The following OMA1 variants were observed in gnomAD, a reference collection of about 807,000 sequenced individuals.
OMA1 encodes the protein OMA1 zinc metallopeptidase, also known as metalloendopeptidase OMA1, mitochondrial.
Under a neutral mutation model 30.9 loss-of-function variants are expected in OMA1, and 38 were observed. That is an observed-to-expected ratio of 1.23 (90% CI 0.95 to 1.61). The LOEUF is 1.61. Among genes scored for constraint, OMA1 ranks in the 40% most tolerant of loss-of-function variants. OMA1 has a pLI of 0.00. For missense variants in OMA1, 461 were observed against 349.2 expected (o/e 1.32, Z -2.55); for synonymous variants, 173 against 121.9 (o/e 1.42, Z -2.76).
At chr1:58,502,938 C>A (rs1191437077) in intron 8 of OMA1, among the ~76,000 whole-genome samples, 9 of 152,170 alleles carry the variant, frequency 5.9e-5, no homozygotes, top group African/African-American at 2.2e-4. Context: ...AAATGTCTCA[C>A]GTCTTTGTCT....
intron 8 of OMA1, among the ~76,000 whole-genome samples, chr1:58,493,107 T>A (rs202043910): frequency 1.3e-5 from 2 of 151,966 alleles, no homozygotes; most frequent in South Asian, 2.1e-4. Context: ...CAAGGCTGGT[T>A]CAACATACGC....
At chr1:58,492,400 GA>G (rs1645712787) in intron 8 of OMA1, among the ~76,000 whole-genome samples, 1 of 151,802 alleles carries the variant, frequency 6.6e-6, no homozygotes. Flanking sequence ...CAGAAGGCAA[GA>G]AAATAACTAA....
chr1:58,538,651 G>T, intron 2 of OMA1, 144 bp downstream of exon 2: 1 of 491,558 alleles, frequency 2.0e-6, no homozygotes, highest in Non-Finnish European at 3.6e-6. Context: ...GAGCTAAATG[G>T]GGGGAGACAG....
intron 8 of OMA1, among the ~76,000 whole-genome samples, chr1:58,499,052 A>G (rs1569896958): frequency 6.6e-6 from 1 of 152,152 alleles, no homozygotes; most frequent in East Asian, 1.9e-4. Flanking sequence ...TTCCTAAAAT[A>G]TGAACATGAT....
intron 3 of OMA1, among the ~76,000 whole-genome samples, chr1:58,534,658 G>C (rs955920181): frequency 2.0e-5 from 3 of 152,168 alleles, no homozygotes; most frequent in African/African-American, 7.2e-5. Context: ...CCTAGGCCAG[G>C]GCAAGATGGC....
intron 8 of OMA1, among the ~76,000 whole-genome samples, chr1:58,489,991 A>G (rs1489864902): frequency 6.6e-6 from 1 of 152,218 alleles, no homozygotes; most frequent in African/African-American, 2.4e-5. Flanking sequence ...AAAGATGGGG[A>G]AAAAACAGAG....
chr1:58,519,871 A>G (rs1214557857), intron 7 of OMA1, among the ~76,000 whole-genome samples: 1 of 152,262 alleles, frequency 6.6e-6, no homozygotes, highest in African/African-American at 2.4e-5. Context: ...ATGAAAAGAC[A>G]AAGTAACTGA....
intron 6 of OMA1, among the ~76,000 whole-genome samples, chr1:58,529,069 A>T (rs10889099): frequency 0.15 from 22,987 of 152,242 alleles, 1,820 homozygotes; most frequent in Middle Eastern, 0.22. Flanking sequence ...CGGGTCAGTG[A>T]CAGAAACAAA....
chr1:58,545,991 C>A (rs1052187501), intron 1 of OMA1, among the ~76,000 whole-genome samples: 3 of 152,160 alleles, frequency 2.0e-5, no homozygotes, highest in African/African-American at 7.2e-5. Context: ...CGACCTTGAT[C>A]AACGCCTGAA....
At chr1:58,492,635 C>T (rs941901310) in intron 8 of OMA1, among the ~76,000 whole-genome samples, 31 of 152,182 alleles carry the variant, frequency 2.0e-4, no homozygotes, top group Admixed American at 2.0e-4. Flanking sequence ...ATACTATAAA[C>T]ACCTCTACAC....
At chr1:58,494,561 C>G (rs1244930082) in intron 8 of OMA1, among the ~76,000 whole-genome samples, 1 of 152,014 alleles carries the variant, frequency 6.6e-6, no homozygotes, top group Non-Finnish European at 1.5e-5. Context: ...TGAACTCAAA[C>G]AAATTTACAA....
At chr1:58,529,763 T>A (rs1172181985) in intron 6 of OMA1, among the ~76,000 whole-genome samples, 1 of 152,168 alleles carries the variant, frequency 6.6e-6, no homozygotes, top group Non-Finnish European at 1.5e-5. Flanking sequence ...AACTTAAAAA[T>A]ATATATAGTA....
chr1:58,526,189 C>T (rs1646347207), intron 7 of OMA1, among the ~76,000 whole-genome samples: 1 of 152,022 alleles, frequency 6.6e-6, no homozygotes, highest in Non-Finnish European at 1.5e-5. Context: ...CTTAATACAG[C>T]CAATCTGTGG....
chr1:58,525,839 T>C (rs1470602665), intron 7 of OMA1, among the ~76,000 whole-genome samples: 1 of 152,080 alleles, frequency 6.6e-6, no homozygotes. Context: ...AGTGATAATA[T>C]GGTACTGGCT....
intron 8 of OMA1, among the ~76,000 whole-genome samples, chr1:58,481,698 A>G (rs569433271): frequency 3.9e-4 from 43 of 109,442 alleles, no homozygotes; most frequent in African/African-American, 1.3e-3. Context: ...TAATTCCCAC[A>G]TGTCATGGGA....
intron 8 of OMA1, among the ~76,000 whole-genome samples, chr1:58,492,140 T>G (rs536966220): frequency 6.6e-6 from 1 of 152,108 alleles, no homozygotes; most frequent in East Asian, 1.9e-4. Context: ...ACATGGCAAC[T>G]GAACAACATG....
intron 7 of OMA1, among the ~76,000 whole-genome samples, chr1:58,526,432 G>A (rs1646350780): frequency 6.6e-6 from 1 of 151,958 alleles, no homozygotes. Context: ...AAGTGGCATT[G>A]CTTTCACTCA....
intron 1 of OMA1, among the ~76,000 whole-genome samples, chr1:58,542,315 C>A (rs1646635075): frequency 6.6e-6 from 1 of 152,182 alleles, no homozygotes; most frequent in Admixed American, 6.5e-5. Context: ...TTTCACAATT[C>A]ATACTGGAGT....
chr1:58,510,142 C>T (rs1007098154), intron 7 of OMA1, among the ~76,000 whole-genome samples: 12 of 135,802 alleles, frequency 8.8e-5, no homozygotes, highest in African/African-American at 3.6e-4. Context: ...TTTATGAGGC[C>T]AGCCATTACC....
Sources: allele counts gnomAD v4.1 joint callset (sites outside exome capture counted in the v4.1 genomes callset), GRCh38; gene constraint gnomAD v4.1.1; transcripts MANE v1.5; gene names NCBI Gene and HGNC (gene_info 2026-07-23, HGNC 2026-07-21).